GRHL2: variants seen among roughly 807,000 people sequenced by gnomAD.
GRHL2 encodes grainyhead like transcription factor 2.
GRHL2 carries 21 observed loss-of-function variants against 83.8 expected under a neutral mutation model. That is an observed-to-expected ratio of 0.25 (90% CI 0.18 to 0.36). The LOEUF is 0.36. Ranked by LOEUF, GRHL2 falls within the 10% of genes least tolerant of loss-of-function variation. The pLI is 1.00. For synonymous variants in GRHL2, 280 were observed against 278.9 expected, an observed-to-expected ratio of 1.00 and a Z score of -0.04; for missense variants, 623 against 781.8, an observed-to-expected ratio of 0.80 and a Z score of 2.42.
chr8:101,664,812 A>G (rs1563633860), intron 15 of GRHL2, among the ~76,000 whole-genome samples: 1 of 152,036 alleles, frequency 6.6e-6, no homozygotes, highest in African/African-American at 2.4e-5. Flanking sequence ...GAATGGCAAA[A>G]TCACCTTTCT....
intron 7 of GRHL2, among the ~76,000 whole-genome samples, chr8:101,589,426 A>G (rs540143192): frequency 6.6e-6 from 1 of 152,360 alleles, no homozygotes. Context: ...GTGTCTATGT[A>G]CAGGATATGA....
intron 1 of GRHL2, among the ~76,000 whole-genome samples, chr8:101,534,459 G>A (rs1431112179): frequency 6.6e-6 from 1 of 152,108 alleles, no homozygotes; most frequent in Non-Finnish European, 1.5e-5. Flanking sequence ...TACAAAGATG[G>A]AAGCTGCAGA....
At chr8:101,502,061 G>A (rs1810240683) in intron 1 of GRHL2, among the ~76,000 whole-genome samples, 1 of 152,014 alleles carries the variant, frequency 6.6e-6, no homozygotes, top group African/African-American at 2.4e-5. Flanking sequence ...AGTTCAGTGA[G>A]TCCCATAAAA....
At chr8:101,649,614 C>A in intron 14 of GRHL2, 115 bp downstream of exon 14, 2 of 764,002 alleles carry the variant, frequency 2.6e-6, no homozygotes, top group Non-Finnish European at 2.3e-6. Flanking sequence ...TTATACAGAA[C>A]AAGAAAAACC....
chr8:101,678,278 A>G, the GRHL2 span, among the ~76,000 whole-genome samples: 1 of 152,172 alleles, frequency 6.6e-6, no homozygotes, highest in Non-Finnish European at 1.5e-5. Flanking sequence ...TGGGAAGCGC[A>G]AGGGGTCAGG....
intron 1 of GRHL2, among the ~76,000 whole-genome samples, chr8:101,505,196 T>A (rs1183770223): frequency 2.0e-5 from 3 of 152,072 alleles, no homozygotes; most frequent in African/African-American, 7.2e-5. Flanking sequence ...CCCTCCCCCA[T>A]CCTTTTCTTC....
intron 5 of GRHL2, among the ~76,000 whole-genome samples, chr8:101,572,231 T>A (rs1473421473): frequency 6.6e-6 from 1 of 152,162 alleles, no homozygotes; most frequent in East Asian, 1.9e-4. Flanking sequence ...CCTGTCCAGG[T>A]CTAAAATGTT....
intron 7 of GRHL2, among the ~76,000 whole-genome samples, chr8:101,583,880 A>G (rs1260521574): frequency 6.6e-6 from 1 of 152,262 alleles, no homozygotes. Flanking sequence ...TAGCACACTC[A>G]TATATAACTT....
the GRHL2 span, among the ~76,000 whole-genome samples, chr8:101,679,640 G>A: frequency 6.6e-6 from 1 of 151,422 alleles, no homozygotes. Context: ...CACCAAAGTT[G>A]AAATGAAGGA....
At chr8:101,525,796 C>T (rs1429236481) in intron 1 of GRHL2, among the ~76,000 whole-genome samples, 1 of 152,028 alleles carries the variant, frequency 6.6e-6, no homozygotes, top group African/African-American at 2.4e-5. Flanking sequence ...TGGTAAAACC[C>T]CACCTCTACA....
In GRHL2 at chr8:101,559,247, C is replaced by A. The variant is rs533872135; in HGVS notation, c.678+435C>A. The stretch of plus-strand genomic sequence containing the variant: ...ATAACTTTGGCTGGACGCGGTGGCT[C>A]ATGCCTGTAATCCCAGCACTTTGGG... On this transcript the variant is annotated intron_variant, in intron 4 of 15. Transcript: ENST00000646743. Among the ~76,000 whole-genome samples the A allele has an allele frequency of 2.7e-5, 4 of 150,132 alleles. No individual in the cohort carries two copies. In the South Asian group the frequency reaches 8.4e-4, roughly 31 times the overall value.
chr8:101,618,639 C>T lies in GRHL2; in HGVS notation c.1099-900C>T, dbSNP rs75112784. Among the ~76,000 whole-genome samples the T allele has an allele frequency of 3.4e-3, 511 of 151,956 alleles. 3 individuals are homozygous for T. Among genetic ancestry groups the T allele is most frequent in the African/African-American group, 0.012 (481 of 41,430 alleles). ...ACCTGGGGCATTTGACTCCCAATCTCGTAGGCTTTCTGCAGATAAACTCAG... is the reference window on the plus strand; with the variant it reads ...ACCTGGGGCATTTGACTCCCAATCTTGTAGGCTTTCTGCAGATAAACTCAG... On this transcript the variant is annotated intron_variant, in intron 8 of 15. Coordinates refer to ENST00000646743, the MANE Select transcript of GRHL2 (RefSeq NM_024915.4).
At chr8:101,493,237 G>A (rs1196575290) in intron 1 of GRHL2, among the ~76,000 whole-genome samples, 2 of 152,226 alleles carry the variant, frequency 1.3e-5, no homozygotes, top group Non-Finnish European at 2.9e-5. Context: ...AGTGGGGCTT[G>A]GCCGCTTTTG....
At chr8:101,516,829 C>A (rs888426377) in intron 1 of GRHL2, among the ~76,000 whole-genome samples, 3 of 152,326 alleles carry the variant, frequency 2.0e-5, no homozygotes, top group Non-Finnish European at 4.4e-5. Context: ...CTGCCACAAC[C>A]CACTTGCATG....
chr8:101,511,782 T>A (rs911434954), intron 1 of GRHL2, among the ~76,000 whole-genome samples: 1 of 152,198 alleles, frequency 6.6e-6, no homozygotes, highest in Non-Finnish European at 1.5e-5. Context: ...TTTTATTCTA[T>A]CATTCTATTT....
intron 15 of GRHL2, among the ~76,000 whole-genome samples, chr8:101,665,806 G>C (rs1814039273): frequency 6.6e-6 from 1 of 152,226 alleles, no homozygotes; most frequent in East Asian, 1.9e-4. Context: ...TAAAATGATA[G>C]AGTCAGTCAG....
chr8:101,588,413 C>T (rs1812211293), intron 7 of GRHL2, among the ~76,000 whole-genome samples: 1 of 152,192 alleles, frequency 6.6e-6, no homozygotes, highest in African/African-American at 2.4e-5. Context: ...GGACTAGCAA[C>T]ATGAGTCATT....
chr8:101,506,835 C>CAAAA (rs10688299), intron 1 of GRHL2, among the ~76,000 whole-genome samples: 10 of 147,088 alleles, frequency 6.8e-5, no homozygotes, highest in Non-Finnish European at 9.0e-5. Flanking sequence ...ATTTGCAAGG[C>CAAAA]AAAAAAAAAA....
intron 4 of GRHL2, among the ~76,000 whole-genome samples, chr8:101,569,600 G>T (rs990203775): frequency 6.6e-6 from 1 of 152,114 alleles, no homozygotes; most frequent in African/African-American, 2.4e-5. Flanking sequence ...TTTCTGGGTA[G>T]CTGGGACTAC....
Sources: gnomAD v4.1 joint callset for allele counts (sites outside exome capture counted in the v4.1 genomes callset) on GRCh38, gnomAD v4.1.1 for gene constraint, MANE v1.5 for transcripts, NCBI Gene and HGNC (gene_info 2026-07-23, HGNC 2026-07-21) for gene names.